TSPEAR: variants seen among roughly 807,000 people sequenced by gnomAD.
TSPEAR encodes thrombospondin-type laminin G domain and EAR repeat-containing protein.
TSPEAR carries 69 observed loss-of-function variants against 71.6 expected under a neutral mutation model. The ratio of observed to expected loss-of-function variants is 0.96; its 90% confidence interval spans 0.79 to 1.18. The LOEUF (loss-of-function observed/expected upper bound fraction) is 1.18. TSPEAR is among the 50% of genes most tolerant of loss of function. TSPEAR has a pLI of 0.00. For synonymous variants in TSPEAR, 402 were observed against 387.2 expected, an observed-to-expected ratio of 1.04 and a Z score of -0.45; for missense variants, 971 against 894.9, an observed-to-expected ratio of 1.09 and a Z score of -1.09.
chr21:44,501,158 T>C (rs1300888178), intron 11 of TSPEAR, among the ~76,000 whole-genome samples: 4 of 152,238 alleles, frequency 2.6e-5, no homozygotes, highest in South Asian at 2.1e-4. Flanking sequence ...CCTTCAAATA[T>C]AGCATTTATG....
At chr21:44,585,286 C>T (rs1979267192) in intron 1 of TSPEAR, among the ~76,000 whole-genome samples, 1 of 152,174 alleles carries the variant, frequency 6.6e-6, no homozygotes, top group Non-Finnish European at 1.5e-5. Context: ...CTCAGATTTG[C>T]ATAACTTTAA....
intron 9 of TSPEAR, among the ~76,000 whole-genome samples, chr21:44,511,841 A>G (rs2052390230): frequency 6.6e-6 from 1 of 152,102 alleles, no homozygotes; most frequent in Admixed American, 6.5e-5. Context: ...GTGATGGGGG[A>G]CCCCGAGCTG....
chr21:44,601,599 C>T lies in TSPEAR; in HGVS notation c.83-33594G>A, dbSNP rs782727458. ...GGCCCGCCTGCTGCGTGCCCGTCCC[C>T]TCCTGCTGCGCCCCCACCTCCTCCT... On this transcript the variant is annotated intron_variant, in intron 1 of 11. Transcript: ENST00000323084. 24 of 1,613,560 alleles carry T rather than the reference C, an allele frequency of 1.5e-5. 1 individual carries two copies. In the African/African-American group the frequency reaches 1.9e-4, roughly 13 times the overall value.
At chr21:44,677,691 T>C (rs980136129) in intron 1 of TSPEAR, 50 of 1,418,080 alleles carry the variant, frequency 3.5e-5, no homozygotes, top group Non-Finnish European at 4.9e-5. Context: ...AGTATCTCCC[T>C]TTTGTTTTTG....
intron 1 of TSPEAR, chr21:44,681,810 G>T: frequency 6.3e-7 from 1 of 1,590,290 alleles, no homozygotes; most frequent in Non-Finnish European, 8.6e-7. Flanking sequence ...TGCACTGGGA[G>T]CAGCGGGTCT....
intron 1 of TSPEAR, among the ~76,000 whole-genome samples, chr21:44,597,141 A>ACT (rs1980415356): frequency 1.3e-5 from 2 of 151,644 alleles, no homozygotes; most frequent in Admixed American, 1.3e-4. Flanking sequence ...CTCTATTTCT[A>ACT]CTTTTAGCTC....
chr21:44,527,531 A>G lies in TSPEAR; in HGVS notation c.923-13T>C. 1 of 1,612,518 alleles carries G rather than the reference A, an allele frequency of 6.2e-7. No individual in the cohort carries two copies. The highest frequency in any genetic ancestry group is 8.5e-7 in the Non-Finnish European group (1 of 1,178,568). ...AGTCTTTCTTTGGCTTGTGATAGAA[A>G]CGTTGTGACTCGGTTAAGATTTCCG... On this transcript the variant is annotated splice_polypyrimidine_tract_variant and intron_variant, in intron 6 of 11. Coordinates refer to ENST00000323084, the MANE Select transcript of TSPEAR (RefSeq NM_144991.3).
intron 1 of TSPEAR, chr21:44,627,903 C>T (rs200533292): frequency 7.9e-5 from 120 of 1,521,012 alleles, no homozygotes; most frequent in Admixed American, 2.7e-4. Context: ...CCGCCTGCTG[C>T]GTGCCCGTCT....
chr21:44,699,877 C>T (rs1555951309), intron 1 of TSPEAR, among the ~76,000 whole-genome samples: 1 of 152,194 alleles, frequency 6.6e-6, no homozygotes, highest in African/African-American at 2.4e-5. Flanking sequence ...CTGCCCTCTC[C>T]CCTGACCGGC....
At chr21:44,541,626 T>C (rs146976038) in intron 2 of TSPEAR, among the ~76,000 whole-genome samples, 7 of 152,254 alleles carry the variant, frequency 4.6e-5, no homozygotes, top group African/African-American at 1.7e-4. Flanking sequence ...GAGCAGAGCT[T>C]TTAGTAGTCT....
chr21:44,656,855 C>A (rs1985179077), intron 1 of TSPEAR, among the ~76,000 whole-genome samples: 1 of 152,114 alleles, frequency 6.6e-6, no homozygotes, highest in African/African-American at 2.4e-5. Flanking sequence ...TTTCTAGATT[C>A]TTTCTCCTCT....
At position 44,515,078 on chromosome 21, in the gene TSPEAR, C is replaced by T. The variant is rs146613999; in HGVS notation, c.1567-5692G>A. Among the ~76,000 whole-genome samples, 622 of 152,316 alleles carry T rather than the reference C, an allele frequency of 4.1e-3. 7 individuals carry two copies. The highest frequency in any genetic ancestry group is 0.014 in the African/African-American group (600 of 41,568). On this transcript the variant is annotated intron_variant, in intron 9 of 11. Transcript: ENST00000323084. Reference sequence around the variant, plus strand: ...AAAGGGCGCCTCTCTATGGCACACACCCACTTTCAAAGCATCTCGGCTTCA... The same window carrying T: ...AAAGGGCGCCTCTCTATGGCACACATCCACTTTCAAAGCATCTCGGCTTCA...
intron 2 of TSPEAR, chr21:44,539,181 A>T: frequency 6.8e-7 from 1 of 1,466,514 alleles, no homozygotes; most frequent in Non-Finnish European, 9.0e-7. Context: ...ACCTCAGCAC[A>T]GGGGAGACAC....
chr21:44,650,019 C>T (rs8131147), intron 1 of TSPEAR, among the ~76,000 whole-genome samples: 2 of 152,096 alleles, frequency 1.3e-5, no homozygotes, highest in African/African-American at 2.4e-5. Flanking sequence ...CCCAGGAGTT[C>T]GAGAGCAGCC....
intron 1 of TSPEAR, among the ~76,000 whole-genome samples, chr21:44,686,119 C>T (rs1986844114): frequency 6.6e-6 from 1 of 152,100 alleles, no homozygotes; most frequent in Admixed American, 6.5e-5. Context: ...ATGGCATTTG[C>T]AACAGGGGGA....
chr21:44,687,969 GCA>G lies in TSPEAR; in HGVS notation c.82+23462_82+23463del, dbSNP rs1555949152. Among the ~76,000 whole-genome samples, 3 of 152,228 alleles carry G rather than the reference GCA, an allele frequency of 2.0e-5. No individual in the cohort carries two copies. Among genetic ancestry groups the G allele is most frequent in the Non-Finnish European group, 2.9e-5 (2 of 68,030 alleles). On this transcript the variant is annotated intron_variant, in intron 1 of 11. Transcript: ENST00000323084. This position sits in a 1 kb window ranked among gnomAD's most constrained non-coding sequence, Gnocchi z 4.4. ...GGCTCGGGGGTGAGTATCCGATCAAGCACAGTGAGTGACGTGCCAGGTGCAGA... is the reference window on the plus strand; with the variant it reads ...GGCTCGGGGGTGAGTATCCGATCAAGCAGTGAGTGACGTGCCAGGTGCAGA...
At chr21:44,550,652 G>A (rs1206697625) in intron 2 of TSPEAR, 8 of 1,604,764 alleles carry the variant, frequency 5.0e-6, no homozygotes, top group South Asian at 1.1e-5. Flanking sequence ...TGGCAGGGAG[G>A]TGGGGCCTGA....
chr21:44,614,567 G>A (rs587742628), intron 1 of TSPEAR, among the ~76,000 whole-genome samples: 198 of 152,342 alleles, frequency 1.3e-3, no homozygotes, highest in African/African-American at 3.3e-3. Context: ...CCGTGTGGCC[G>A]GGCTCCGGAA....
intron 2 of TSPEAR, chr21:44,539,617 G>T: frequency 1.2e-6 from 2 of 1,613,856 alleles, no homozygotes; most frequent in African/African-American, 2.7e-5. Context: ...CCTGCTGGCA[G>T]GGGGAGGAGG....
Sources: allele counts gnomAD v4.1 joint callset (sites outside exome capture counted in the v4.1 genomes callset), GRCh38; gene constraint gnomAD v4.1.1; non-coding constraint Gnocchi (gnomAD v3.1); transcripts MANE v1.5; gene names NCBI Gene and HGNC (gene_info 2026-07-23, HGNC 2026-07-21).